Variants in ST8SIA4 observed in about 807,000 individuals in gnomAD.
The protein encoded by ST8SIA4 is ST8 alpha-N-acetyl-neuraminide alpha-2,8-sialyltransferase 4, also known as CMP-N-acetylneuraminate-poly-alpha-2,8-sialyltransferase.
ST8SIA4 carries 15 observed loss-of-function variants against 33.9 expected under a neutral mutation model. The observed-to-expected ratio is 0.44, with a 90% CI of 0.30 to 0.68. ST8SIA4 has a LOEUF of 0.68. Ranked by LOEUF, ST8SIA4 falls within the 30% of genes least tolerant of loss-of-function variation. The probability of loss-of-function intolerance (pLI) is 0.10; values close to 1 mark genes in which losing one functional copy is unlikely to be tolerated. For missense variants in ST8SIA4, 321 were observed against 428.0 expected, an observed-to-expected ratio of 0.75 and a Z score of 2.21; for synonymous variants, 171 against 151.2, an observed-to-expected ratio of 1.13 and a Z score of -0.96.
At chr5:100,852,745 G>A (rs1188162574) in intron 4 of ST8SIA4, among the ~76,000 whole-genome samples, 2 of 152,080 alleles carry the variant, frequency 1.3e-5, no homozygotes, top group East Asian at 1.9e-4. Flanking sequence ...GTGACTGATG[G>A]TTTCATCTTT....
intron 3 of ST8SIA4, among the ~76,000 whole-genome samples, chr5:100,876,514 G>T (rs1752310254): frequency 6.6e-6 from 1 of 151,998 alleles, no homozygotes. Context: ...TGCCGGACAA[G>T]AAGTAAGATA....
At chr5:100,899,019 T>C (rs1259468185) in intron 1 of ST8SIA4, among the ~76,000 whole-genome samples, 1 of 152,194 alleles carries the variant, frequency 6.6e-6, no homozygotes, top group Non-Finnish European at 1.5e-5. Context: ...TAACCTAGTG[T>C]CTACAAATAT....
chr5:100,881,000 T>G (rs1313080315), intron 3 of ST8SIA4, among the ~76,000 whole-genome samples: 2 of 152,202 alleles, frequency 1.3e-5, no homozygotes, highest in Non-Finnish European at 2.9e-5. Flanking sequence ...TATAGTGAAT[T>G]AAGTGTCAAC....
intron 3 of ST8SIA4, among the ~76,000 whole-genome samples, chr5:100,860,062 C>G (rs1751902632): frequency 6.6e-6 from 1 of 152,086 alleles, no homozygotes; most frequent in Non-Finnish European, 1.5e-5. Flanking sequence ...AACTCATCAT[C>G]CAAAACTGGA....
At chr5:100,897,869 C>T (rs979244654) in intron 1 of ST8SIA4, among the ~76,000 whole-genome samples, 1 of 152,136 alleles carries the variant, frequency 6.6e-6, no homozygotes, top group Admixed American at 6.6e-5. Flanking sequence ...ACGGGGTGTG[C>T]TTTACTGACC....
At chr5:100,847,467 G>C (rs1751593815) in intron 4 of ST8SIA4, among the ~76,000 whole-genome samples, 1 of 151,992 alleles carries the variant, frequency 6.6e-6, no homozygotes, top group South Asian at 2.1e-4. Context: ...TCCTGCAGAA[G>C]GTCATCTTCA....
chr5:100,831,301 A>C (rs1013959663), intron 4 of ST8SIA4, among the ~76,000 whole-genome samples: 1 of 152,206 alleles, frequency 6.6e-6, no homozygotes, highest in Non-Finnish European at 1.5e-5. Context: ...TCTCTATCCC[A>C]TAACTAAGGC....
At chr5:100,827,180 T>C (rs539565057) in intron 4 of ST8SIA4, among the ~76,000 whole-genome samples, 8 of 152,364 alleles carry the variant, frequency 5.3e-5, no homozygotes, top group African/African-American at 1.9e-4. Flanking sequence ...GCTAGCACTA[T>C]ACATTTGTCA....
chr5:100,875,888 G>T (rs938683086), intron 3 of ST8SIA4, among the ~76,000 whole-genome samples: 7 of 152,150 alleles, frequency 4.6e-5, no homozygotes, highest in Admixed American at 6.5e-5. Context: ...AGTTCTAGAG[G>T]TTCCCAAATT....
intron 4 of ST8SIA4, among the ~76,000 whole-genome samples, chr5:100,851,532 G>A (rs1361212236): frequency 1.3e-5 from 2 of 151,982 alleles, no homozygotes; most frequent in Non-Finnish European, 2.9e-5. Flanking sequence ...TTTATGTGTT[G>A]TTGAGAAAAT....
intron 3 of ST8SIA4, among the ~76,000 whole-genome samples, chr5:100,868,898 T>C (rs943248877): frequency 5.3e-5 from 8 of 152,128 alleles, no homozygotes; most frequent in African/African-American, 1.7e-4. Flanking sequence ...TTCTACTATA[T>C]ATTAAACTCT....
intron 4 of ST8SIA4, among the ~76,000 whole-genome samples, chr5:100,836,639 C>G (rs1751366400): frequency 6.6e-6 from 1 of 151,954 alleles, no homozygotes; most frequent in South Asian, 2.1e-4. Flanking sequence ...GTTGACTTCT[C>G]CAACTTGGCA....
chr5:100,895,568 A>T, intron 2 of ST8SIA4, 86 bp downstream of exon 2: 1 of 1,296,306 alleles, frequency 7.7e-7, no homozygotes, highest in Non-Finnish European at 1.1e-6. Context: ...TTAAACCATA[A>T]ATCCAGTGTT....
intron 3 of ST8SIA4, among the ~76,000 whole-genome samples, chr5:100,876,349 CT>C (rs1254571355): frequency 1.3e-5 from 2 of 152,090 alleles, no homozygotes; most frequent in East Asian, 3.9e-4. Context: ...CTCCCATTTG[CT>C]TTTTTTCCTC....
intron 3 of ST8SIA4, among the ~76,000 whole-genome samples, chr5:100,884,054 G>T (rs1580481334): frequency 6.6e-6 from 1 of 152,132 alleles, no homozygotes; most frequent in East Asian, 1.9e-4. Flanking sequence ...AAGAATCTAG[G>T]AGCCACAAAA....
At chr5:100,865,241 C>A (rs977671682) in intron 3 of ST8SIA4, among the ~76,000 whole-genome samples, 2 of 152,136 alleles carry the variant, frequency 1.3e-5, no homozygotes, top group Non-Finnish European at 2.9e-5. Context: ...AAATATTGAT[C>A]AATTTTTGCT....
Position 100,886,619 on chromosome 5 carries a change from C to T in ST8SIA4, c.246-19G>A. 1 of 1,580,466 alleles carries T rather than the reference C, an allele frequency of 6.3e-7. No homozygotes were observed. Among genetic ancestry groups the T allele is most frequent in the African/African-American group, 1.3e-5 (1 of 74,328 alleles). On this transcript the variant is annotated intron_variant, in intron 2 of 4. Coordinates refer to ENST00000231461, the MANE Select transcript of ST8SIA4 (RefSeq NM_005668.6). ...GTTCTTCCTGTATTTGAAATACAAG[C>T]AAAGTTTTACATTACCATCAGCATA...
intron 4 of ST8SIA4, chr5:100,849,293 C>T: frequency 1.0e-6 from 1 of 985,278 alleles, no homozygotes. Context: ...ATAAATCTGA[C>T]ACTCAAGGAT....
At chr5:100,901,847 C>G (rs751684906) in intron 1 of ST8SIA4, among the ~76,000 whole-genome samples, 2 of 151,766 alleles carry the variant, frequency 1.3e-5, no homozygotes, top group Non-Finnish European at 2.9e-5. Context: ...GCAGTCCCAT[C>G]TCTCTCTCTC....
Sources: allele counts gnomAD v4.1 joint callset (sites outside exome capture counted in the v4.1 genomes callset), GRCh38; gene constraint gnomAD v4.1.1; transcripts MANE v1.5; gene names NCBI Gene and HGNC (gene_info 2026-07-23, HGNC 2026-07-21).